GPR39: variants seen among roughly 807,000 people sequenced by gnomAD.
GPR39 encodes G protein-coupled receptor 39.
A neutral mutation model predicts 18.4 loss-of-function variants in GPR39; 23 were observed. That is an observed-to-expected ratio of 1.25 (90% CI 0.90 to 1.77). GPR39 has a LOEUF of 1.77. Ranked by LOEUF, GPR39 falls within the 40% of genes most tolerant of loss-of-function variation. GPR39 has a pLI of 0.00. For synonymous variants in GPR39, 280 were observed against 257.9 expected, an observed-to-expected ratio of 1.09 and a Z score of -0.82; for missense variants, 647 against 602.4, an observed-to-expected ratio of 1.07 and a Z score of -0.78.
chr2:132,645,805 G>A lies in GPR39; in HGVS notation c.*199G>A. 6.6e-6 allele frequency: 5 copies of A among 753,074 alleles called. No individual in the cohort carries two copies. Among genetic ancestry groups the A allele is most frequent in the East Asian group, 2.7e-5 (1 of 36,456 alleles). 46.6% of individuals were successfully genotyped at this position (753,074 alleles called of 1,614,324 possible). A position where few individuals can be genotyped will look rare whatever the true frequency, so the allele number is the denominator to read the frequency against. On this transcript the variant is annotated 3_prime_UTR_variant, in exon 2 of 2. Transcript: ENST00000329321. ...CCTTGACTCCGGTTACACAGACATG[G>A]GGGTGAACTTTCACTCCACCTCCTT... is the stretch of plus-strand genomic sequence containing the variant.
At chr2:132,585,966 T>TG (rs1318523166) in intron 1 of GPR39, among the ~76,000 whole-genome samples, 5 of 145,794 alleles carry the variant, frequency 3.4e-5, no homozygotes, top group East Asian at 4.2e-4. Context: ...TTTTTTTTTT[T>TG]TTTTTTAATG....
In GPR39 at chr2:132,563,445, G is replaced by A. The variant is rs114786180; in HGVS notation, c.857-81656G>A. On this transcript the variant is annotated intron_variant, in intron 1 of 1. Coordinates refer to ENST00000329321, the MANE Select transcript of GPR39 (RefSeq NM_001508.3). ...AAAAACTAGCTCGGCATGGTGGCACGCACCTATAGTTCCAGCTACTTGGGA... is the reference window on the plus strand; with the variant it reads ...AAAAACTAGCTCGGCATGGTGGCACACACCTATAGTTCCAGCTACTTGGGA... Among the ~76,000 whole-genome samples, 1,237 of 152,266 alleles carry A rather than the reference G, an allele frequency of 8.1e-3. 7 individuals are homozygous for A. The highest frequency in any genetic ancestry group is 0.017 in the South Asian group (84 of 4,818).
intron 1 of GPR39, among the ~76,000 whole-genome samples, chr2:132,481,956 A>G (rs1436962755): frequency 6.6e-6 from 1 of 152,196 alleles, no homozygotes; most frequent in Non-Finnish European, 1.5e-5. Context: ...TAAACCCATG[A>G]TTTTAACTCA....
chr2:132,523,771 C>A (rs892727214), intron 1 of GPR39: 5 of 152,540 alleles, frequency 3.3e-5, no homozygotes, highest in African/African-American at 1.2e-4. Flanking sequence ...GGATGACCTT[C>A]CCCAACAGAG....
intron 1 of GPR39, among the ~76,000 whole-genome samples, chr2:132,522,501 G>A (rs1172759758): frequency 6.6e-6 from 1 of 152,308 alleles, no homozygotes; most frequent in Non-Finnish European, 1.5e-5. Flanking sequence ...CTTTAAAGAC[G>A]TTAACACATT....
chr2:132,603,901 T>C (rs897794248), intron 1 of GPR39, among the ~76,000 whole-genome samples: 1 of 152,174 alleles, frequency 6.6e-6, no homozygotes, highest in Admixed American at 6.5e-5. Flanking sequence ...CAATGCATTA[T>C]AGTGATGGCA....
chr2:132,559,284 A>G (rs1450415463), intron 1 of GPR39, among the ~76,000 whole-genome samples: 2 of 152,218 alleles, frequency 1.3e-5, no homozygotes, highest in Admixed American at 6.5e-5. Context: ...AAATTTTTGT[A>G]GAAAACAACA....
At chr2:132,619,329 G>A (rs1234869204) in intron 1 of GPR39, among the ~76,000 whole-genome samples, 4 of 152,186 alleles carry the variant, frequency 2.6e-5, no homozygotes, top group Non-Finnish European at 4.4e-5. Flanking sequence ...GCATGGGTAA[G>A]GGCCCTCGCA....
chr2:132,512,697 C>T (rs6739409), intron 1 of GPR39, among the ~76,000 whole-genome samples: 3 of 152,024 alleles, frequency 2.0e-5, no homozygotes, highest in African/African-American at 7.3e-5. Context: ...ATAAAGTACA[C>T]ACTAGTGCCT....
intron 1 of GPR39, among the ~76,000 whole-genome samples, chr2:132,582,205 C>T (rs1045785638): frequency 3.3e-5 from 5 of 152,102 alleles, no homozygotes; most frequent in African/African-American, 1.2e-4. Flanking sequence ...TGGCGCTGTG[C>T]GATCACCTCC....
intron 1 of GPR39, among the ~76,000 whole-genome samples, chr2:132,604,289 G>T (rs1335038180): frequency 6.6e-6 from 1 of 151,952 alleles, no homozygotes; most frequent in Non-Finnish European, 1.5e-5. Flanking sequence ...TTGCCAGAAT[G>T]ATTTAAAAAA....
At chr2:132,633,689 A>G (rs1681693610) in intron 1 of GPR39, among the ~76,000 whole-genome samples, 1 of 151,928 alleles carries the variant, frequency 6.6e-6, no homozygotes, top group Non-Finnish European at 1.5e-5. Flanking sequence ...TGATGAGATA[A>G]TGACGACAAA....
intron 1 of GPR39, among the ~76,000 whole-genome samples, chr2:132,468,804 C>T (rs185872111): frequency 3.4e-4 from 52 of 152,038 alleles, no homozygotes; most frequent in African/African-American, 1.2e-3. Context: ...AGGGTAGTGG[C>T]GATGGGCCTG....
At chr2:132,528,227 A>G (rs1470196204) in intron 1 of GPR39, among the ~76,000 whole-genome samples, 3 of 152,144 alleles carry the variant, frequency 2.0e-5, no homozygotes, top group African/African-American at 7.2e-5. Flanking sequence ...TTTGTTGAAG[A>G]TCAGATGGTT....
At chr2:132,597,989 A>G (rs540530395) in intron 1 of GPR39, among the ~76,000 whole-genome samples, 72 of 152,328 alleles carry the variant, frequency 4.7e-4, no homozygotes, top group Admixed American at 3.9e-3. Context: ...CTGAACCAGC[A>G]CAGCCACATT....
chr2:132,601,046 A>C (rs113179439), intron 1 of GPR39, among the ~76,000 whole-genome samples: 28 of 152,306 alleles, frequency 1.8e-4, no homozygotes, highest in Middle Eastern at 3.4e-3. Flanking sequence ...CAAACTTTTA[A>C]ATCAGAACTA....
chr2:132,613,108 A>G (rs185664256), intron 1 of GPR39, among the ~76,000 whole-genome samples: 1 of 152,348 alleles, frequency 6.6e-6, no homozygotes, highest in Non-Finnish European at 1.5e-5. Flanking sequence ...GGACTTTGCT[A>G]AATTCACATT....
chr2:132,533,433 T>C (rs80310852), intron 1 of GPR39, among the ~76,000 whole-genome samples: 1,529 of 108,880 alleles, frequency 0.014, 42 homozygotes, highest in East Asian at 0.094. Flanking sequence ...AGGTAATTTA[T>C]AGATTCAATG....
chr2:132,483,218 ATTG>A (rs957802463), intron 1 of GPR39, among the ~76,000 whole-genome samples: 7 of 152,146 alleles, frequency 4.6e-5, no homozygotes, highest in East Asian at 1.9e-4. Context: ...TTCAACTACT[ATTG>A]TTGTTGTTGT....
Sources: gnomAD v4.1 joint callset for allele counts (sites outside exome capture counted in the v4.1 genomes callset) on GRCh38, gnomAD v4.1.1 for gene constraint, MANE v1.5 for transcripts, NCBI Gene and HGNC (gene_info 2026-07-23, HGNC 2026-07-21) for gene names.